ZZZ3: variants seen among roughly 807,000 people sequenced by gnomAD.
ZZZ3 encodes the protein zinc finger ZZ-type containing 3, also known as ZZ-type zinc finger-containing protein 3.
In ZZZ3, 22 loss-of-function variants were observed where a neutral mutation model predicts 95.2. That is an observed-to-expected ratio of 0.23 (90% confidence interval 0.17 to 0.33). ZZZ3 has a LOEUF of 0.33. Among genes scored for constraint, ZZZ3 ranks in the 10% least tolerant of loss-of-function variants. The pLI, the probability that ZZZ3 is intolerant of heterozygous loss-of-function variation, is 1.00. For synonymous variants in ZZZ3, 335 were observed against 358.9 expected, an observed-to-expected ratio of 0.93 and a Z score of 0.75; for missense variants, 885 against 1,066.5, an observed-to-expected ratio of 0.83 and a Z score of 2.37.
At chr1:77,676,640 C>G (rs1045548431) in intron 1 of ZZZ3, among the ~76,000 whole-genome samples, 5 of 152,116 alleles carry the variant, frequency 3.3e-5, no homozygotes, top group African/African-American at 1.2e-4. Context: ...CCTCAACTTA[C>G]AGTAATCTTA....
chr1:77,610,159 CA>C (rs1405953944), intron 5 of ZZZ3, among the ~76,000 whole-genome samples: 1 of 145,798 alleles, frequency 6.9e-6, no homozygotes, highest in Non-Finnish European at 1.5e-5. Context: ...GCAGACTTTA[CA>C]ATCAACACCA....
chr1:77,570,829 T>A (rs1347076690), intron 12 of ZZZ3, among the ~76,000 whole-genome samples: 2 of 113,254 alleles, frequency 1.8e-5, no homozygotes, highest in Non-Finnish European at 3.5e-5. Flanking sequence ...GCCTGGCTAA[T>A]TTTTTTTTTT....
chr1:77,568,590 C>A, intron 12 of ZZZ3, 124 bp from the exon 13 acceptor site: 1 of 474,922 alleles, frequency 2.1e-6, no homozygotes, highest in African/African-American at 2.1e-5. Context: ...TCTTAGTACT[C>A]ATAGAAAATT....
chr1:77,610,175 A>G (rs1470635948), intron 5 of ZZZ3, among the ~76,000 whole-genome samples: 1 of 151,888 alleles, frequency 6.6e-6, no homozygotes, highest in Non-Finnish European at 1.5e-5. Context: ...ACACCACAGA[A>G]AGTCAAAGGA....
chr1:77,623,939 GAGA>G (rs1465910667), intron 5 of ZZZ3, among the ~76,000 whole-genome samples: 3 of 152,032 alleles, frequency 2.0e-5, no homozygotes, highest in Non-Finnish European at 4.4e-5. Context: ...AAAAAAAAGA[GAGA>G]AGTAGATCAC....
chr1:77,609,478 C>T (rs911232885), intron 5 of ZZZ3, among the ~76,000 whole-genome samples: 1 of 152,024 alleles, frequency 6.6e-6, no homozygotes, highest in African/African-American at 2.4e-5. Context: ...TTGGACTGAT[C>T]TTCCAGACAG....
chr1:77,642,725 C>A (rs1243130317), intron 1 of ZZZ3, among the ~76,000 whole-genome samples: 1 of 152,122 alleles, frequency 6.6e-6, no homozygotes, highest in Non-Finnish European at 1.5e-5. Context: ...TGCACTACAG[C>A]CCAGGCAACA....
intron 1 of ZZZ3, among the ~76,000 whole-genome samples, chr1:77,668,034 TGG>T (rs1313921379): frequency 6.6e-6 from 1 of 152,128 alleles, no homozygotes; most frequent in Non-Finnish European, 1.5e-5. Context: ...CCCAAAGTGC[TGG>T]GATTACAGGT....
chr1:77,612,370 CA>C (rs1438427274), intron 5 of ZZZ3, among the ~76,000 whole-genome samples: 1 of 151,860 alleles, frequency 6.6e-6, no homozygotes, highest in African/African-American at 2.4e-5. Flanking sequence ...ACCATTATAC[CA>C]AACAGTATGG....
At chr1:77,585,680 G>C (rs1405530685) in intron 5 of ZZZ3, among the ~76,000 whole-genome samples, 1 of 152,038 alleles carries the variant, frequency 6.6e-6, no homozygotes, top group Non-Finnish European at 1.5e-5. Context: ...GTTTTGTTTA[G>C]CTAGTATGCA....
chr1:77,663,938 C>T (rs766257404), intron 1 of ZZZ3, among the ~76,000 whole-genome samples: 11 of 151,966 alleles, frequency 7.2e-5, no homozygotes, highest in Non-Finnish European at 1.0e-4. Flanking sequence ...TTAGTAGAGA[C>T]GGGGTTTCAT....
intron 1 of ZZZ3, among the ~76,000 whole-genome samples, chr1:77,673,216 C>G (rs1391685261): frequency 6.6e-6 from 1 of 152,112 alleles, no homozygotes; most frequent in African/African-American, 2.4e-5. Context: ...TGCAGGAATA[C>G]AGTCATAAAT....
intron 1 of ZZZ3, among the ~76,000 whole-genome samples, chr1:77,677,973 T>C (rs1245074567): frequency 2.0e-5 from 3 of 152,222 alleles, no homozygotes; most frequent in South Asian, 2.1e-4. Flanking sequence ...AAAGACTATC[T>C]ACTTTACCAC....
chr1:77,579,444 C>A (rs923826119), intron 10 of ZZZ3, 83 bp downstream of exon 10: 4 of 964,934 alleles, frequency 4.1e-6, no homozygotes, highest in Non-Finnish European at 6.5e-6. Flanking sequence ...TATGGCAGAT[C>A]GCCCAATGTC....
intron 13 of ZZZ3, among the ~76,000 whole-genome samples, chr1:77,567,156 A>G (rs534680412): frequency 3.3e-5 from 5 of 152,306 alleles, no homozygotes; most frequent in Admixed American, 1.3e-4. Flanking sequence ...TGCACCCACC[A>G]ACACCACCAA....
At position 77,632,779 on chromosome 1, in the gene ZZZ3, T is replaced by C. The variant is rs1413709630; in HGVS notation, c.576A>G (p.Val192=). ...CCAAATAGCCTGTGATTTCTTCAAC[T>C]ACTGCAGAATTAAGTGGCCCTTCCT... is the stretch of plus-strand genomic sequence containing the variant. ...VSEEGPLNSA[V]VEEITGYLAV... is the part of the protein sequence containing the mutation. Residue 192 remains valine, a synonymous_variant, in exon 5 of 15, where the codon GTA becomes GTG. Coordinates refer to ENST00000370801, the MANE Select transcript of ZZZ3 (RefSeq NM_015534.6). The C allele has an allele frequency of 6.2e-7, 1 of 1,614,110 alleles. No individual in the cohort carries two copies.
Position 77,563,308 on chromosome 1 carries a change from C to T in ZZZ3, c.*2332G>A, listed in dbSNP as rs1023310048. 3.3e-5 allele frequency: 5 copies of T among 152,126 alleles called. No homozygotes were observed. The highest frequency in any genetic ancestry group is 1.2e-4 in the African/African-American group (5 of 41,430). The allele number at this position is 152,126 out of a possible 1,614,324, so 9.4% of individuals were successfully genotyped here. ...TCTATGTAGGCAGATGGTAGCCTAC[C>T]GGCAAATGACAGCTCTGCCCATTAT... On this transcript the variant is annotated 3_prime_UTR_variant, in exon 15 of 15. Coordinates refer to ENST00000370801, the MANE Select transcript of ZZZ3 (RefSeq NM_015534.6).
intron 5 of ZZZ3, among the ~76,000 whole-genome samples, chr1:77,630,483 G>C (rs935665973): frequency 2.6e-5 from 4 of 151,662 alleles, no homozygotes; most frequent in African/African-American, 9.7e-5. Flanking sequence ...CTCAAAAAAC[G>C]AAAAACAAAA....
At chr1:77,601,582 A>G (rs935264683) in intron 5 of ZZZ3, among the ~76,000 whole-genome samples, 3 of 152,182 alleles carry the variant, frequency 2.0e-5, no homozygotes, top group Non-Finnish European at 4.4e-5. Context: ...GTGAAGAGTA[A>G]GAATACAGCA....
Sources: gnomAD v4.1 joint callset for allele counts (sites outside exome capture counted in the v4.1 genomes callset) on GRCh38, gnomAD v4.1.1 for gene constraint, MANE v1.5 for transcripts, NCBI Gene and HGNC (gene_info 2026-07-23, HGNC 2026-07-21) for gene names.